MINDY2: variants seen among roughly 807,000 people sequenced by gnomAD.
MINDY2 encodes the protein MINDY lysine 48 deubiquitinase 2.
A neutral mutation model predicts 68.2 loss-of-function variants in MINDY2; 52 were observed. The ratio of observed to expected loss-of-function variants is 0.76; its 90% CI spans 0.61 to 0.96. The LOEUF (loss-of-function observed/expected upper bound fraction) is 0.96, where lower values mean the gene tolerates loss of function less well. Ranked by LOEUF, MINDY2 falls within the 40% of genes least tolerant of loss-of-function variation. The pLI, the probability that MINDY2 is intolerant of heterozygous loss-of-function variation, is 0.00. For synonymous variants in MINDY2, 372 were observed against 303.0 expected (o/e 1.23, Z -2.36); for missense variants, 881 against 773.4 (o/e 1.14, Z -1.65).
At chr15:58,782,889 A>G (rs1901236347) in intron 1 of MINDY2, among the ~76,000 whole-genome samples, 1 of 138,608 alleles carries the variant, frequency 7.2e-6, no homozygotes, top group Admixed American at 7.5e-5. Flanking sequence ...TAGATGTTCA[A>G]TATATTTAAT....
chr15:58,784,918 A>G (rs1179325696), intron 1 of MINDY2, among the ~76,000 whole-genome samples: 1 of 151,900 alleles, frequency 6.6e-6, no homozygotes, highest in African/African-American at 2.4e-5. Flanking sequence ...TGTAGACGTG[A>G]GCCACCGTAC....
At chr15:58,772,568 C>T (rs1301940379) in intron 1 of MINDY2, among the ~76,000 whole-genome samples, 1 of 152,122 alleles carries the variant, frequency 6.6e-6, no homozygotes, top group African/African-American at 2.4e-5. Flanking sequence ...CTGACCTTAT[C>T]ACATATGCAA....
intron 2 of MINDY2, among the ~76,000 whole-genome samples, chr15:58,794,358 G>GGTGTGTGTGTGT (rs3985718): frequency 1.1e-3 from 154 of 139,174 alleles, no homozygotes; most frequent in East Asian, 4.1e-3. Context: ...TTTTTTTTGG[G>GGTGTGTGTGTGT]GTGTGTGTGT....
At position 58,857,671 on chromosome 15, in the gene MINDY2, T is replaced by C. The variant is rs1461801438; in HGVS notation, c.*3061T>C. 5 of 152,326 alleles carry C rather than the reference T, an allele frequency of 3.3e-5. No individual in the cohort carries two copies. The highest frequency in any genetic ancestry group is 9.6e-5 in the African/African-American group (4 of 41,592). The allele number at this position is 152,326 out of a possible 1,614,324, so 9.4% of individuals were successfully genotyped here. A position where few individuals can be genotyped will look rare whatever the true frequency, so the allele number is the denominator to read the frequency against. ...TTTGAAAGTGGTATATTAAAGTCTT[T>C]CCTTCCAAGTATTTTGTAATACTTG... On this transcript the variant is annotated 3_prime_UTR_variant, in exon 9 of 9. Transcript: ENST00000559228.
Position 58,821,730 on chromosome 15 carries a change from TA to T in MINDY2, c.1140del (p.Ala381LeufsTer10). 6.3e-7 allele frequency: 1 copy of T among 1,575,386 alleles called. No individual in the cohort carries two copies. Among genetic ancestry groups the T allele is most frequent in the African/African-American group, 1.4e-5 (1 of 72,810 alleles). ...TTTGTTTTCTAGATTGATGACATTG[TA>T]AAAGCTGTTGGTAACTGCAGCTACA... ...WLVDPQIDDI[V>X]KAVGNCSYNQ... On this transcript the variant is annotated frameshift_variant, in exon 5 of 9. Transcript: ENST00000559228. LOFTEE classifies it high-confidence loss of function.
At chr15:58,782,264 G>C (rs768716728) in intron 1 of MINDY2, among the ~76,000 whole-genome samples, 1 of 151,902 alleles carries the variant, frequency 6.6e-6, no homozygotes, top group African/African-American at 2.4e-5. Context: ...ATATATAAAT[G>C]CTACATATAT....
intron 4 of MINDY2, among the ~76,000 whole-genome samples, chr15:58,820,157 T>C (rs529941729): frequency 6.6e-6 from 1 of 152,018 alleles, no homozygotes; most frequent in Non-Finnish European, 1.5e-5. Flanking sequence ...TCTCAGCTAC[T>C]AGGGAGGCTG....
At chr15:58,811,810 T>C (rs1355958465) in intron 4 of MINDY2, among the ~76,000 whole-genome samples, 2 of 152,166 alleles carry the variant, frequency 1.3e-5, no homozygotes, top group Non-Finnish European at 2.9e-5. Context: ...GGAGAGTCAA[T>C]TGGAAGGGTG....
chr15:58,774,845 A>T (rs1489426308), intron 1 of MINDY2, among the ~76,000 whole-genome samples: 1 of 152,232 alleles, frequency 6.6e-6, no homozygotes, highest in Non-Finnish European at 1.5e-5. Flanking sequence ...AAATGGTGGT[A>T]ATAGCAGGAC....
chr15:58,853,204 C>T (rs1369626008), intron 8 of MINDY2, among the ~76,000 whole-genome samples: 1 of 151,746 alleles, frequency 6.6e-6, no homozygotes, highest in Admixed American at 6.6e-5. Context: ...TCACCCACCT[C>T]GGCCTCCCAA....
chr15:58,847,630 T>G (rs1220020737), intron 7 of MINDY2, among the ~76,000 whole-genome samples, 160 bp downstream of exon 7: 1 of 152,216 alleles, frequency 6.6e-6, no homozygotes, highest in Non-Finnish European at 1.5e-5. Flanking sequence ...TACATGTACA[T>G]TAATTATGTA....
At chr15:58,840,573 A>G (rs538290985) in intron 6 of MINDY2, among the ~76,000 whole-genome samples, 5 of 151,428 alleles carry the variant, frequency 3.3e-5, no homozygotes, top group South Asian at 4.2e-4. Flanking sequence ...GTCTTCTACA[A>G]TTAAACTGGG....
At chr15:58,821,924 CAT>C (rs2031086397) in intron 5 of MINDY2, 105 bp downstream of exon 5, 3 of 692,430 alleles carry the variant, frequency 4.3e-6, no homozygotes, top group African/African-American at 1.9e-5. Context: ...CTAAAAAACA[CAT>C]GTTATATTAC....
chr15:58,861,767 A>G lies in MINDY2; in HGVS notation c.*7157A>G, dbSNP rs1356452485. 1 of 152,214 alleles carries G rather than the reference A, an allele frequency of 6.6e-6. No homozygotes were observed. Among genetic ancestry groups the G allele is most frequent in the African/African-American group, 2.4e-5 (1 of 41,456 alleles). 9.4% of individuals were successfully genotyped at this position (152,214 alleles called of 1,614,324 possible). A position where few individuals can be genotyped will look rare whatever the true frequency, so the allele number is the denominator to read the frequency against. ...TCATGTTTGTTATTGTACCACAAAG[A>G]TAGTGTCATTGTTGGGTTAAAATGT... On this transcript the variant is annotated 3_prime_UTR_variant, in exon 9 of 9. Coordinates refer to ENST00000559228, the MANE Select transcript of MINDY2 (RefSeq NM_001040450.3).
chr15:58,839,022 C>T (rs8031032), intron 6 of MINDY2, among the ~76,000 whole-genome samples: 3,477 of 152,224 alleles, frequency 0.023, 123 homozygotes, highest in African/African-American at 0.076. Flanking sequence ...GAAGGGTCAC[C>T]TCCAGTTTCT....
chr15:58,805,829 A>C (rs529833305), intron 3 of MINDY2, among the ~76,000 whole-genome samples: 1 of 152,306 alleles, frequency 6.6e-6, no homozygotes, highest in East Asian at 1.9e-4. Flanking sequence ...TAATCCCAGC[A>C]CTTTGGGAGG....
At chr15:58,826,552 C>T (rs1307245334) in intron 5 of MINDY2, among the ~76,000 whole-genome samples, 1 of 152,090 alleles carries the variant, frequency 6.6e-6, no homozygotes, top group African/African-American at 2.4e-5. Context: ...TTCCCTAAAT[C>T]TTGTGAGAAT....
chr15:58,850,748 C>A (rs1197824413), intron 7 of MINDY2, among the ~76,000 whole-genome samples: 1 of 151,964 alleles, frequency 6.6e-6, no homozygotes, highest in South Asian at 2.1e-4. Flanking sequence ...CCATGCCCAG[C>A]TAATTTTTTT....
chr15:58,783,630 G>T (rs748396625), intron 1 of MINDY2, among the ~76,000 whole-genome samples: 3 of 152,108 alleles, frequency 2.0e-5, no homozygotes, highest in Admixed American at 6.6e-5. Context: ...TTACTCTTTA[G>T]ATGATTAAGA....
Sources: allele counts gnomAD v4.1 joint callset (sites outside exome capture counted in the v4.1 genomes callset), GRCh38; gene constraint gnomAD v4.1.1; transcripts MANE v1.5; gene names NCBI Gene and HGNC (gene_info 2026-07-23, HGNC 2026-07-21).